The following ZMYND8 variants were observed in gnomAD, a reference collection of about 807,000 sequenced individuals.
The protein encoded by ZMYND8 is MYND-type zinc finger-containing chromatin reader ZMYND8.
In ZMYND8, 37 loss-of-function variants were observed where a neutral mutation model predicts 140.8. The observed-to-expected ratio is 0.26, with a 90% CI of 0.20 to 0.35. The LOEUF (loss-of-function observed/expected upper bound fraction) is 0.35, where lower values mean the gene tolerates loss of function less well. Ranked by LOEUF, ZMYND8 falls within the 10% of genes least tolerant of loss-of-function variation. The pLI, the probability that ZMYND8 is intolerant of heterozygous loss-of-function variation, is 1.00. For missense variants in ZMYND8, 1,068 were observed against 1,570.0 expected (o/e 0.68, Z 5.40); for synonymous variants, 592 against 597.1 (o/e 0.99, Z 0.12).
rs398035823 is a variant in ZMYND8, at chr20:47,356,346, AG to A, written c.14+310del. The A allele has an allele frequency of 2.8e-5, 40 of 1,447,396 alleles. No individual in the cohort carries two copies. In the Middle Eastern group the frequency reaches 5.4e-4, roughly 20 times the overall value. The allele number at this position is 1,447,396 out of a possible 1,614,324, so 89.7% of individuals were successfully genotyped here. ...GGAAGAGGGAAAGAAAAAAAAAAAA[AG>A]AAGGAAAAAAAAAAGCTTCTTTTTT... On this transcript the variant is annotated intron_variant, in intron 1 of 22. Coordinates refer to ENST00000471951, the MANE Select transcript of ZMYND8 (RefSeq NM_001281775.3).
intron 12 of ZMYND8, among the ~76,000 whole-genome samples, chr20:47,255,722 G>GTATATATA (rs369654557): frequency 4.4e-4 from 34 of 77,698 alleles, no homozygotes; most frequent in African/African-American, 5.2e-4. Flanking sequence ...GTGTATGTGT[G>GTATATATA]TATATATATA....
chr20:47,351,890 G>A (rs2082813097), intron 1 of ZMYND8: 2 of 985,178 alleles, frequency 2.0e-6, no homozygotes, highest in Non-Finnish European at 2.4e-6. Flanking sequence ...CCAGAACTAG[G>A]AAAAGCTGAA....
chr20:47,355,911 T>C (rs1036421026), intron 1 of ZMYND8, among the ~76,000 whole-genome samples: 2 of 150,990 alleles, frequency 1.3e-5, no homozygotes, highest in Middle Eastern at 3.4e-3. Flanking sequence ...AAACATTTGC[T>C]GGCTGTAGGC....
intron 4 of ZMYND8, among the ~76,000 whole-genome samples, chr20:47,297,773 G>A (rs2077736199): frequency 6.6e-6 from 1 of 152,172 alleles, no homozygotes; most frequent in Non-Finnish European, 1.5e-5. Flanking sequence ...AATAATTGTG[G>A]AGATGACATT....
In ZMYND8 at chr20:47,285,815, G is replaced by A. The variant is rs559889146; in HGVS notation, c.804+1414C>T. The A allele has an allele frequency of 5.1e-6, 5 of 984,340 alleles. No homozygotes were observed. The East Asian group carries it at 4.5e-4, about 89-fold the overall frequency. The allele number at this position is 984,340 out of a possible 1,614,324, so 61.0% of individuals were successfully genotyped here. On this transcript the variant is annotated intron_variant, in intron 8 of 22. Coordinates refer to ENST00000471951, the MANE Select transcript of ZMYND8 (RefSeq NM_001281775.3). ...CCATGAAAAATTCTGTTCTTCCTACGAGTTTAATTACCTAGGAAACAGAGA... is the reference window on the plus strand; with the variant it reads ...CCATGAAAAATTCTGTTCTTCCTACAAGTTTAATTACCTAGGAAACAGAGA...
At chr20:47,222,274 G>A (rs978542974) in intron 19 of ZMYND8, among the ~76,000 whole-genome samples, 2 of 152,260 alleles carry the variant, frequency 1.3e-5, no homozygotes, top group African/African-American at 4.8e-5. Context: ...GGCGGCTCAT[G>A]CCTGTAATCC....
At chr20:47,310,898 T>C (rs1197600025) in intron 2 of ZMYND8, among the ~76,000 whole-genome samples, 1 of 151,910 alleles carries the variant, frequency 6.6e-6, no homozygotes, top group Non-Finnish European at 1.5e-5. Flanking sequence ...ATCGCCACTC[T>C]TCCCCACTAC....
chr20:47,262,270 G>A lies in ZMYND8; in HGVS notation c.1621+18C>T. The A allele has an allele frequency of 6.2e-7, 1 of 1,614,022 alleles. No individual in the cohort carries two copies. The highest frequency in any genetic ancestry group is 1.1e-5 in the South Asian group (1 of 91,080). On this transcript the variant is annotated intron_variant, in intron 12 of 22. Transcript: ENST00000471951. ...CCACAGTTGCCACAGAAAGATACTG[G>A]CAAAAATTCTGACTGACCCAGGTTA...
intron 19 of ZMYND8, among the ~76,000 whole-genome samples, chr20:47,223,130 T>G (rs1290525909): frequency 6.6e-6 from 1 of 152,254 alleles, no homozygotes; most frequent in Non-Finnish European, 1.5e-5. Context: ...TATGGGACAC[T>G]TGAAATTCTT....
chr20:47,215,474 G>C (rs2035954852), intron 21 of ZMYND8, among the ~76,000 whole-genome samples: 1 of 151,462 alleles, frequency 6.6e-6, no homozygotes, highest in Admixed American at 6.6e-5. Context: ...AGCGGAGTGT[G>C]TAAAGAAAGG....
Position 47,261,550 on chromosome 20 carries a change from TATCATCATCATC to T in ZMYND8, c.1621+726_1621+737del, listed in dbSNP as rs10563094. ...GAGACCCCATCTCTAAAAAAACAGT[TATCATCATCATC>T]ATCATCATCATCATCATCATCATCA... is the stretch of plus-strand genomic sequence containing the variant. On this transcript the variant is annotated intron_variant, in intron 12 of 22. Transcript: ENST00000471951. 7.7e-3 allele frequency among the ~76,000 whole-genome samples: 914 copies of T among 118,696 alleles called. 10 individuals carry two copies. The highest frequency in any genetic ancestry group is 0.021 in the African/African-American group (799 of 37,310). 77.9% of individuals were successfully genotyped at this position (118,696 alleles called of 152,430 possible). A position where few individuals can be genotyped will look rare whatever the true frequency, so the allele number is the denominator to read the frequency against.
Position 47,298,678 on chromosome 20 carries a change from A to G in ZMYND8, c.453+51T>C, listed in dbSNP as rs1209193604. The stretch of plus-strand genomic sequence containing the variant: ...AAATTTAAAAATAAAAGGAAGAAAG[A>G]GAAAGGAGAGGAAACGAGGCAGGTA... On this transcript the variant is annotated intron_variant, in intron 4 of 22. Transcript: ENST00000471951. The surrounding 1 kb of genome is among the most constrained non-coding windows in gnomAD (Gnocchi z 5.0). 6.4e-7 allele frequency: 1 copy of G among 1,564,014 alleles called. No individual in the cohort carries two copies. Among genetic ancestry groups the G allele is most frequent in the Non-Finnish European group, 8.7e-7 (1 of 1,152,356 alleles).
At chr20:47,249,240 G>T in intron 13 of ZMYND8, 47 bp downstream of exon 13, 2 of 1,592,494 alleles carry the variant, frequency 1.3e-6, no homozygotes, top group Non-Finnish European at 1.7e-6. Context: ...TACCAGTAAT[G>T]ATAACAATGA....
intron 8 of ZMYND8, among the ~76,000 whole-genome samples, chr20:47,284,079 C>G (rs190319709): frequency 1.2e-4 from 18 of 152,286 alleles, no homozygotes; most frequent in African/African-American, 4.3e-4. Flanking sequence ...TGCATCACCA[C>G]GCCCAGCTAA....
intron 2 of ZMYND8, chr20:47,318,369 C>T: frequency 3.4e-6 from 1 of 295,990 alleles, no homozygotes; most frequent in Admixed American, 5.0e-5. Context: ...CATGGTTAAT[C>T]ACTTCAAAGC....
intron 3 of ZMYND8, among the ~76,000 whole-genome samples, chr20:47,299,536 A>G (rs2077859518): frequency 6.6e-6 from 1 of 152,112 alleles, no homozygotes; most frequent in Non-Finnish European, 1.5e-5. Flanking sequence ...ATAGATCAAT[A>G]GGGTTTCAGT....
At chr20:47,299,704 C>T (rs539431687) in intron 3 of ZMYND8, among the ~76,000 whole-genome samples, 1 of 152,276 alleles carries the variant, frequency 6.6e-6, no homozygotes, top group Non-Finnish European at 1.5e-5. Context: ...CTGCCTCAGC[C>T]TCCTGAGTAG....
At chr20:47,282,279 G>T in intron 9 of ZMYND8, 62 bp from the exon 10 acceptor site, 1 of 1,443,270 alleles carries the variant, frequency 6.9e-7, no homozygotes, top group Non-Finnish European at 9.7e-7. Context: ...ACTCACTAAA[G>T]TTTGGTATGT....
At chr20:47,266,328 G>A (rs1257976434) in intron 11 of ZMYND8, among the ~76,000 whole-genome samples, 2 of 152,170 alleles carry the variant, frequency 1.3e-5, no homozygotes, top group Non-Finnish European at 2.9e-5. Flanking sequence ...TGCCCAGGCT[G>A]CAGTGCAATG....
Sources: allele counts gnomAD v4.1 joint callset (sites outside exome capture counted in the v4.1 genomes callset), GRCh38; gene constraint gnomAD v4.1.1; non-coding constraint Gnocchi (gnomAD v3.1); transcripts MANE v1.5; gene names NCBI Gene and HGNC (gene_info 2026-07-23, HGNC 2026-07-21).